The following CSMD1 variants were observed in gnomAD, a reference collection of about 807,000 sequenced individuals.
CSMD1 encodes CUB and sushi domain-containing protein 1.
A neutral mutation model predicts 417.5 loss-of-function variants in CSMD1; 213 were observed. The observed-to-expected ratio is 0.51, with a 90% CI of 0.46 to 0.57. CSMD1 has a LOEUF of 0.57. Ranked by LOEUF, CSMD1 falls within the 20% of genes least tolerant of loss-of-function variation. The probability of loss-of-function intolerance (pLI) is 0.00; values close to 1 mark genes in which losing one functional copy is unlikely to be tolerated. For synonymous variants in CSMD1, 2,862 were observed against 1,736.8 expected (o/e 1.65, Z -16.11); for missense variants, 6,923 against 4,529.7 (o/e 1.53, Z -15.17).
intron 23 of CSMD1, among the ~76,000 whole-genome samples, chr8:3,340,995 C>A (rs1807605323): frequency 6.6e-6 from 1 of 152,170 alleles, no homozygotes; most frequent in South Asian, 2.1e-4. Flanking sequence ...ACTATGTAAT[C>A]AAAAATGTCT....
intron 2 of CSMD1, among the ~76,000 whole-genome samples, chr8:4,555,106 G>T (rs555634804): frequency 1.4e-4 from 22 of 152,164 alleles, no homozygotes; most frequent in Non-Finnish European, 3.1e-4. Flanking sequence ...AGGAATGATA[G>T]GATGCTTTTT....
intron 4 of CSMD1, among the ~76,000 whole-genome samples, chr8:4,018,412 T>C (rs918719533): frequency 1.3e-5 from 2 of 152,154 alleles, no homozygotes; most frequent in African/African-American, 4.8e-5. Context: ...CGATTCCTGT[T>C]CTCTCCCAGT....
intron 2 of CSMD1, among the ~76,000 whole-genome samples, chr8:4,566,064 A>G (rs1024707750): frequency 8.5e-5 from 13 of 152,074 alleles, no homozygotes; most frequent in Non-Finnish European, 8.8e-5. Flanking sequence ...CCTATGAGAT[A>G]TATTAACTCT....
intron 3 of CSMD1, among the ~76,000 whole-genome samples, chr8:4,379,513 G>A (rs1802965843): frequency 6.6e-6 from 1 of 152,158 alleles, no homozygotes; most frequent in South Asian, 2.1e-4. Context: ...GCACTGGAAG[G>A]CAAGTGGGTG....
intron 4 of CSMD1, among the ~76,000 whole-genome samples, chr8:4,028,622 T>C (rs1229716936): frequency 6.6e-6 from 1 of 152,210 alleles, no homozygotes; most frequent in Non-Finnish European, 1.5e-5. Flanking sequence ...ATTGGCATGC[T>C]TACAATCCTA....
chr8:4,087,249 A>G (rs961384834), intron 3 of CSMD1, among the ~76,000 whole-genome samples: 2 of 152,168 alleles, frequency 1.3e-5, no homozygotes, highest in Admixed American at 1.3e-4. Context: ...CACCATGGCC[A>G]TGGTTTCACA....
intron 2 of CSMD1, among the ~76,000 whole-genome samples, chr8:4,584,708 A>C (rs1010093418): frequency 6.6e-6 from 1 of 152,054 alleles, no homozygotes; most frequent in African/African-American, 2.4e-5. Flanking sequence ...TTGCCCATCT[A>C]TCCTATCTAT....
At chr8:4,927,123 T>TATTATTA (rs1384546802) in intron 1 of CSMD1, among the ~76,000 whole-genome samples, 1 of 148,360 alleles carries the variant, frequency 6.7e-6, no homozygotes, top group Non-Finnish European at 1.5e-5. Context: ...TTATTATTAT[T>TATTATTA]AAGATAGACA....
chr8:3,258,310 A>T (rs1441338097), intron 26 of CSMD1, among the ~76,000 whole-genome samples: 1 of 152,208 alleles, frequency 6.6e-6, no homozygotes, highest in Non-Finnish European at 1.5e-5. Context: ...TTTTTAAAAG[A>T]AGACATACAT....
intron 21 of CSMD1, among the ~76,000 whole-genome samples, chr8:3,349,107 A>G (rs1268374713): frequency 1.3e-5 from 2 of 152,218 alleles, no homozygotes; most frequent in Non-Finnish European, 2.9e-5. Context: ...CAGAATGCCT[A>G]TTCTTTTGAA....
chr8:2,995,916 G>A (rs915989802), intron 54 of CSMD1, among the ~76,000 whole-genome samples: 1 of 152,138 alleles, frequency 6.6e-6, no homozygotes, highest in African/African-American at 2.4e-5. Flanking sequence ...GGGATGCGTG[G>A]GTGTGTTTAT....
At chr8:4,057,208 T>G (rs1418364825) in intron 3 of CSMD1, among the ~76,000 whole-genome samples, 1 of 152,180 alleles carries the variant, frequency 6.6e-6, no homozygotes, top group Non-Finnish European at 1.5e-5. Context: ...TTTCCTGACT[T>G]TTTAATGATT....
At chr8:3,852,656 G>A (rs1015200895) in intron 5 of CSMD1, among the ~76,000 whole-genome samples, 1 of 145,654 alleles carries the variant, frequency 6.9e-6, no homozygotes, top group Non-Finnish European at 1.5e-5. Flanking sequence ...GGAAACTGAG[G>A]CAGGCCAAGA....
rs570475591 is a variant in CSMD1 at position 4,794,645 on chromosome 8, T to C, written c.86-157087A>G. 5.9e-5 allele frequency among the ~76,000 whole-genome samples: 9 copies of C among 152,300 alleles called. No individual in the cohort carries two copies. The South Asian group carries it at 1.4e-3, about 25-fold the overall frequency. On this transcript the variant is annotated intron_variant, in intron 1 of 69. Coordinates refer to ENST00000635120, the MANE Select transcript of CSMD1 (RefSeq NM_033225.6). The stretch of plus-strand genomic sequence containing the variant: ...TGCTCCATAGTCAGGAACCTCCCCA[T>C]TGTCCCCATACCTTCTTTCTTCTGC...
rs139003712 is a variant in CSMD1 at position 3,987,884 on chromosome 8, T to C, written c.818+10019A>G. Among the ~76,000 whole-genome samples the C allele has an allele frequency of 3.1e-3, 468 of 152,288 alleles. 2 individuals carry two copies. The highest frequency in any genetic ancestry group is 0.011 in the African/African-American group (443 of 41,564). ...TTCAGGGTCCAATCTGTTTGGCACA[T>C]TGCAACATCTTCTACCTGATCTCTG... is the stretch of plus-strand genomic sequence containing the variant. On this transcript the variant is annotated intron_variant, in intron 5 of 69. Transcript: ENST00000635120.
At chr8:4,962,192 T>TC (rs1809539772) in intron 1 of CSMD1, among the ~76,000 whole-genome samples, 1 of 142,344 alleles carries the variant, frequency 7.0e-6, no homozygotes, top group Non-Finnish European at 1.5e-5. Flanking sequence ...TTTCTGCTTT[T>TC]TTTTTAAAAA....
intron 4 of CSMD1, among the ~76,000 whole-genome samples, chr8:4,018,694 GTTCT>G (rs1010068794): frequency 6.6e-6 from 1 of 152,166 alleles, no homozygotes; most frequent in Admixed American, 6.5e-5. Context: ...TTTAAGTTAG[GTTCT>G]TTTAGAAATA....
chr8:4,042,035 G>T (rs769210477), intron 3 of CSMD1, among the ~76,000 whole-genome samples: 17 of 151,938 alleles, frequency 1.1e-4, no homozygotes, highest in Non-Finnish European at 1.9e-4. Flanking sequence ...ATGAACTTTG[G>T]GACATCTCCA....
At chr8:3,120,705 G>GGGC (rs1554431368) in intron 41 of CSMD1, among the ~76,000 whole-genome samples, 5 of 114,348 alleles carry the variant, frequency 4.4e-5, no homozygotes, top group African/African-American at 2.5e-4. Context: ...AAATTAGCCA[G>GGGC]GGGGGGTGAC....
Sources: allele counts gnomAD v4.1 joint callset (sites outside exome capture counted in the v4.1 genomes callset), GRCh38; gene constraint gnomAD v4.1.1; transcripts MANE v1.5; gene names NCBI Gene and HGNC (gene_info 2026-07-23, HGNC 2026-07-21).